The following BEND7 variants were observed in gnomAD, a reference collection of about 807,000 sequenced individuals.
The protein encoded by BEND7 is BEN domain-containing protein 7.
Under a neutral mutation model 50.9 loss-of-function variants are expected in BEND7, and 28 were observed. The observed-to-expected ratio is 0.55, with a 90% CI of 0.41 to 0.75. The LOEUF is 0.75. BEND7 is among the 30% of genes least tolerant of loss of function. BEND7 has a pLI of 0.00. For synonymous variants in BEND7, 170 were observed against 183.9 expected (o/e 0.92, Z 0.61); for missense variants, 477 against 491.3 (o/e 0.97, Z 0.28).
rs118124543 is a variant in BEND7, at chr10:13,527,265, T to C, written c.62-1044A>G. Among the ~76,000 whole-genome samples the C allele has an allele frequency of 4.3e-3, 658 of 152,316 alleles. 14 individuals are homozygous for C. In the South Asian group the frequency reaches 0.074, roughly 17 times the overall value. ...CTCAGAAAGTGGGAAGAGCCAAGTA[T>C]TTTGAATGCGTGAAACTATTTCAGG... On this transcript the variant is annotated intron_variant, in intron 1 of 8. Transcript: ENST00000466271.
intron 7 of BEND7, among the ~76,000 whole-genome samples, chr10:13,451,485 T>TGCCTCA (rs967912995): frequency 3.9e-5 from 6 of 152,072 alleles, no homozygotes; most frequent in African/African-American, 1.4e-4. Flanking sequence ...GAAATCCTCC[T>TGCCTCA]GCCTCAGCCT....
At chr10:13,474,206 A>G (rs1218455881) in intron 6 of BEND7, among the ~76,000 whole-genome samples, 1 of 151,350 alleles carries the variant, frequency 6.6e-6, no homozygotes, top group Non-Finnish European at 1.5e-5. Flanking sequence ...TCGCTGTTAG[A>G]CTCGGGGCCG....
intron 6 of BEND7, among the ~76,000 whole-genome samples, chr10:13,474,464 A>G (rs1034569462): frequency 6.6e-6 from 1 of 152,088 alleles, no homozygotes; most frequent in Non-Finnish European, 1.5e-5. Context: ...ACTCGGGTCA[A>G]TACCCGTCAT....
intron 7 of BEND7, among the ~76,000 whole-genome samples, chr10:13,449,668 CA>C (rs933286339): frequency 6.6e-6 from 1 of 152,184 alleles, no homozygotes; most frequent in African/African-American, 2.4e-5. Context: ...TTAGTTATAA[CA>C]AGATCAGTTT....
At chr10:13,493,868 T>C (rs1030159128) in intron 4 of BEND7, among the ~76,000 whole-genome samples, 1 of 152,194 alleles carries the variant, frequency 6.6e-6, no homozygotes, top group Non-Finnish European at 1.5e-5. Context: ...AATGAACCTA[T>C]AAGACAAGTG....
intron 2 of BEND7, among the ~76,000 whole-genome samples, chr10:13,506,300 T>C (rs2077883708): frequency 6.6e-6 from 1 of 152,188 alleles, no homozygotes; most frequent in Admixed American, 6.5e-5. Flanking sequence ...AAATTATTCA[T>C]TCTCCCTTCC....
intron 2 of BEND7, among the ~76,000 whole-genome samples, chr10:13,501,374 C>CAAAAAAAA (rs58905816): frequency 2.7e-5 from 2 of 72,966 alleles, no homozygotes; most frequent in African/African-American, 5.3e-5. Flanking sequence ...AACTCCATCT[C>CAAAAAAAA]AAAAAAAAAA....
chr10:13,523,532 T>C (rs552915953), intron 2 of BEND7, among the ~76,000 whole-genome samples: 10 of 152,338 alleles, frequency 6.6e-5, no homozygotes, highest in African/African-American at 2.4e-4. Flanking sequence ...GAAAATCCTA[T>C]AGACCATCCC....
chr10:13,455,355 A>G (rs1179261198), intron 6 of BEND7, among the ~76,000 whole-genome samples: 1 of 151,372 alleles, frequency 6.6e-6, no homozygotes, highest in African/African-American at 2.4e-5. Context: ...GCCAGGCAGG[A>G]GGGGTGGGGA....
intron 4 of BEND7, among the ~76,000 whole-genome samples, 162 bp from the exon 5 acceptor site, chr10:13,493,038 C>A (rs117198623): frequency 6.6e-6 from 1 of 152,192 alleles, no homozygotes; most frequent in African/African-American, 2.4e-5. Flanking sequence ...GGTTACCAAA[C>A]GCAGGCTCTG....
intron 6 of BEND7, among the ~76,000 whole-genome samples, chr10:13,466,283 C>T (rs931750181): frequency 2.6e-5 from 4 of 151,114 alleles, no homozygotes; most frequent in Admixed American, 6.6e-5. Flanking sequence ...TTTAATAGGC[C>T]GGGCGCAGTG....
At chr10:13,474,626 C>T (rs936864832) in intron 6 of BEND7, among the ~76,000 whole-genome samples, 3 of 151,866 alleles carry the variant, frequency 2.0e-5, no homozygotes, top group Admixed American at 1.3e-4. Context: ...TACCCGTCAT[C>T]GCTGTTGGAC....
At chr10:13,470,931 C>T (rs1289359717) in intron 6 of BEND7, among the ~76,000 whole-genome samples, 1 of 152,190 alleles carries the variant, frequency 6.6e-6, no homozygotes, top group Non-Finnish European at 1.5e-5. Flanking sequence ...GTTCTGGAGG[C>T]AAAAGGCTTT....
At chr10:13,481,521 A>C (rs1365957113) in intron 5 of BEND7, among the ~76,000 whole-genome samples, 4 of 152,244 alleles carry the variant, frequency 2.6e-5, no homozygotes, top group Non-Finnish European at 5.9e-5. Context: ...AAATGTGCTC[A>C]GTGCAGTACA....
chr10:13,501,355 C>T (rs1588976344), intron 2 of BEND7, among the ~76,000 whole-genome samples: 1 of 74,054 alleles, frequency 1.4e-5, no homozygotes, highest in Admixed American at 2.1e-4. Flanking sequence ...GCCTAGGCAA[C>T]AAGAGTGAAA....
Position 13,441,605 on chromosome 10 carries a change from C to A in BEND7, c.*138G>T. ...TTTCTGCCTTGACCAGCAACATACT[C>A]ATCCTATTTTAACACGGCGAAAGGT... On this transcript the variant is annotated 3_prime_UTR_variant, in exon 9 of 9. Transcript: ENST00000466271. The A allele has an allele frequency of 6.6e-7, 1 of 1,525,618 alleles. No individual in the cohort carries two copies. The highest frequency in any genetic ancestry group is 1.3e-5 in the South Asian group (1 of 76,456). 94.5% of individuals were successfully genotyped at this position (1,525,618 alleles called of 1,614,324 possible). A position where few individuals can be genotyped will look rare whatever the true frequency, so the allele number is the denominator to read the frequency against.
chr10:13,524,820 A>G (rs1424001563), intron 2 of BEND7, among the ~76,000 whole-genome samples: 5 of 152,084 alleles, frequency 3.3e-5, no homozygotes, highest in African/African-American at 4.8e-5. Context: ...CCCCAGTGAT[A>G]TTCTTTCCCT....
At position 13,441,506 on chromosome 10, in the gene BEND7, G is replaced by T; in HGVS notation, c.*237C>A. On this transcript the variant is annotated 3_prime_UTR_variant, in exon 9 of 9. Transcript: ENST00000466271. The stretch of plus-strand genomic sequence containing the variant: ...TCAAGTGCTGAACACCCCAAGCTGT[G>T]GCCCCGCCTTGGAAGGCAGTGCTTC... 7.3e-7 allele frequency: 1 copy of T among 1,375,194 alleles called. No homozygotes were observed. Among genetic ancestry groups the T allele is most frequent in the Non-Finnish European group, 9.4e-7 (1 of 1,067,584 alleles). 85.2% of individuals were successfully genotyped at this position (1,375,194 alleles called of 1,614,324 possible).
intron 2 of BEND7, among the ~76,000 whole-genome samples, chr10:13,507,318 G>A (rs541416505): frequency 6.2e-4 from 95 of 152,156 alleles, no homozygotes; most frequent in South Asian, 6.2e-4. Context: ...CTCTCTCCCC[G>A]CGCCAGTCTC....
Sources: gnomAD v4.1 joint callset for allele counts (sites outside exome capture counted in the v4.1 genomes callset) on GRCh38, gnomAD v4.1.1 for gene constraint, MANE v1.5 for transcripts, NCBI Gene and HGNC (gene_info 2026-07-23, HGNC 2026-07-21) for gene names.